ALK: variants seen among roughly 807,000 people sequenced by gnomAD.
ALK encodes the protein ALK tyrosine kinase receptor.
In ALK, 74 loss-of-function variants were observed where a neutral mutation model predicts 163.1. The ratio of observed to expected loss-of-function variants is 0.45; its 90% CI spans 0.38 to 0.55. The LOEUF (loss-of-function observed/expected upper bound fraction) is 0.55, where lower values mean the gene tolerates loss of function less well. Ranked by LOEUF, ALK falls within the 20% of genes least tolerant of loss-of-function variation. The pLI, the probability that ALK is intolerant of heterozygous loss-of-function variation, is 0.00. For synonymous variants in ALK, 960 were observed against 843.2 expected (o/e 1.14, Z -2.40); for missense variants, 2,063 against 2,105.3 (o/e 0.98, Z 0.39).
chr2:29,520,576 C>T (rs1175837015), intron 4 of ALK, among the ~76,000 whole-genome samples: 6 of 152,100 alleles, frequency 3.9e-5, no homozygotes, highest in African/African-American at 1.4e-4. Context: ...ATCAGCTCTG[C>T]TCACAGAAGG....
chr2:29,479,592 G>C (rs1459674780), intron 4 of ALK, among the ~76,000 whole-genome samples: 6 of 152,152 alleles, frequency 3.9e-5, no homozygotes, highest in African/African-American at 1.4e-4. Context: ...TCTCCTTTAG[G>C]ATAAATTGTA....
At chr2:29,329,092 C>T (rs1014699777) in intron 5 of ALK, among the ~76,000 whole-genome samples, 6 of 152,052 alleles carry the variant, frequency 3.9e-5, no homozygotes, top group Non-Finnish European at 7.3e-5. Flanking sequence ...TGGCCCCTGT[C>T]CCATCCTCTA....
chr2:29,333,669 G>GAC (rs2148263889), intron 5 of ALK, among the ~76,000 whole-genome samples: 1 of 152,270 alleles, frequency 6.6e-6, no homozygotes, highest in East Asian at 1.9e-4. Context: ...AGGTTGGAGC[G>GAC]TCATGGCGCA....
At chr2:29,641,187 A>C (rs955022516) in intron 3 of ALK, among the ~76,000 whole-genome samples, 1 of 152,138 alleles carries the variant, frequency 6.6e-6, no homozygotes, top group African/African-American at 2.4e-5. Flanking sequence ...GGTTTCAAGC[A>C]AGGGAATTTT....
At chr2:29,267,604 A>G (rs891724835) in intron 11 of ALK, among the ~76,000 whole-genome samples, 13 of 151,892 alleles carry the variant, frequency 8.6e-5, no homozygotes, top group African/African-American at 3.1e-4. Flanking sequence ...AGGCAATTCC[A>G]CCTCTTGTTT....
At chr2:29,253,497 C>T (rs1192632796) in intron 11 of ALK, among the ~76,000 whole-genome samples, 2 of 152,068 alleles carry the variant, frequency 1.3e-5, no homozygotes, top group African/African-American at 4.8e-5. Context: ...GTGAGTGTGT[C>T]CTTGACTCCT....
Position 29,685,221 on chromosome 2 carries a change from A to G in ALK, c.952+9629T>C, listed in dbSNP as rs151296271. On this transcript the variant is annotated intron_variant, in intron 3 of 28. Transcript: ENST00000389048. ...GTGTGTAGTTTCACTGCCTCCTCCA[A>G]CCACCCTAGACAGGAGCTTCATAGA... Among the ~76,000 whole-genome samples, 254 of 152,176 alleles carry G rather than the reference A, an allele frequency of 1.7e-3. 1 individual carries two copies. Among genetic ancestry groups the G allele is most frequent in the Admixed American group, 4.4e-3 (67 of 15,278 alleles).
Position 29,378,088 on chromosome 2 carries a change from G to C in ALK, c.1282+5644C>G, listed in dbSNP as rs72853098. On this transcript the variant is annotated intron_variant, in intron 5 of 28. Transcript: ENST00000389048. ...ATAAAATGTATGTAGGCTCACACAG[G>C]AGCTATCTACATTTCCTTGTTTTTC... Among the ~76,000 whole-genome samples, 714 of 152,302 alleles carry C rather than the reference G, an allele frequency of 4.7e-3. 7 individuals are homozygous for C. The highest frequency in any genetic ancestry group is 0.016 in the African/African-American group (670 of 41,550).
chr2:29,522,188 G>A (rs1436789625), intron 4 of ALK, among the ~76,000 whole-genome samples: 2 of 152,222 alleles, frequency 1.3e-5, no homozygotes, highest in Non-Finnish European at 2.9e-5. Context: ...GCTGGGCTCA[G>A]ATCCAGTCTA....
chr2:29,597,725 G>T (rs1259876718), intron 3 of ALK, among the ~76,000 whole-genome samples: 1 of 152,174 alleles, frequency 6.6e-6, no homozygotes, highest in Non-Finnish European at 1.5e-5. Context: ...CTGCTTAGCT[G>T]GAGTCATGTT....
intron 5 of ALK, among the ~76,000 whole-genome samples, chr2:29,353,621 T>A (rs767158815): frequency 2.3e-4 from 35 of 152,132 alleles, no homozygotes; most frequent in Admixed American, 1.3e-4. Flanking sequence ...GGGAGAGGTG[T>A]TTTGTTCATT....
chr2:29,644,431 C>T (rs1275136195), intron 3 of ALK, among the ~76,000 whole-genome samples: 1 of 151,950 alleles, frequency 6.6e-6, no homozygotes, highest in East Asian at 1.9e-4. Flanking sequence ...CTAGTAGTTT[C>T]CTGCTATCCT....
At chr2:29,649,673 T>C (rs1276856783) in intron 3 of ALK, among the ~76,000 whole-genome samples, 2 of 152,116 alleles carry the variant, frequency 1.3e-5, no homozygotes, top group African/African-American at 4.8e-5. Flanking sequence ...GGCTAGGACA[T>C]CTCACTGTTC....
At chr2:29,294,112 C>T (rs991951039) in intron 9 of ALK, among the ~76,000 whole-genome samples, 1 of 152,178 alleles carries the variant, frequency 6.6e-6, no homozygotes, top group Non-Finnish European at 1.5e-5. Context: ...TTACCGCCTA[C>T]CTCAGAGGTG....
At chr2:29,207,631 G>A (rs1484896770) in intron 25 of ALK, among the ~76,000 whole-genome samples, 1 of 152,208 alleles carries the variant, frequency 6.6e-6, no homozygotes, top group Non-Finnish European at 1.5e-5. Context: ...CTGATGATCT[G>A]CAGTAATGCA....
intron 1 of ALK, among the ~76,000 whole-genome samples, chr2:29,791,657 A>T (rs1664192626): frequency 6.6e-6 from 1 of 152,098 alleles, no homozygotes; most frequent in South Asian, 2.1e-4. Flanking sequence ...ATTTCCAAAC[A>T]ATAGTCACCA....
intron 1 of ALK, among the ~76,000 whole-genome samples, chr2:29,782,275 G>A (rs1243074622): frequency 6.6e-6 from 1 of 152,048 alleles, no homozygotes; most frequent in African/African-American, 2.4e-5. Context: ...AGAGAGGTAG[G>A]GTGAAGAGAC....
intron 1 of ALK, among the ~76,000 whole-genome samples, chr2:29,850,494 C>A (rs1665962273): frequency 6.6e-6 from 1 of 152,194 alleles, no homozygotes; most frequent in Non-Finnish European, 1.5e-5. Context: ...GCAAAGCCAG[C>A]AACTCTCAGG....
chr2:29,343,377 TAAA>T (rs36010663), intron 5 of ALK, among the ~76,000 whole-genome samples: 3 of 132,852 alleles, frequency 2.3e-5, no homozygotes, highest in Admixed American at 7.6e-5. Flanking sequence ...TCTGGCTAAG[TAAA>T]AAAAAAAAAA....
Sources: allele counts gnomAD v4.1 joint callset (sites outside exome capture counted in the v4.1 genomes callset), GRCh38; gene constraint gnomAD v4.1.1; transcripts MANE v1.5; gene names NCBI Gene and HGNC (gene_info 2026-07-23, HGNC 2026-07-21).